TCERG1L: variants seen among roughly 807,000 people sequenced by gnomAD.
The protein encoded by TCERG1L is transcription elongation regulator 1-like protein.
Under a neutral mutation model 56.3 loss-of-function variants are expected in TCERG1L, and 37 were observed. That is an observed-to-expected ratio of 0.66 (90% CI 0.51 to 0.87). TCERG1L has a LOEUF of 0.87. Ranked by LOEUF, TCERG1L falls within the 40% of genes least tolerant of loss-of-function variation. The pLI, the probability that TCERG1L is intolerant of heterozygous loss-of-function variation, is 0.00. For missense variants in TCERG1L, 799 were observed against 774.2 expected (o/e 1.03, Z -0.38); for synonymous variants, 324 against 326.3 (o/e 0.99, Z 0.08).
At chr10:131,249,465 C>T (rs533486723) in intron 4 of TCERG1L, among the ~76,000 whole-genome samples, 19 of 152,296 alleles carry the variant, frequency 1.2e-4, no homozygotes, top group Non-Finnish European at 1.8e-4. Context: ...TGGCTCCACC[C>T]GGGTCCCCAG....
intron 4 of TCERG1L, among the ~76,000 whole-genome samples, chr10:131,180,922 C>T (rs1030445530): frequency 3.3e-5 from 5 of 152,156 alleles, no homozygotes; most frequent in Non-Finnish European, 7.3e-5. Flanking sequence ...TGACTGCATC[C>T]TATTATTAGC....
At position 131,311,198 on chromosome 10, in the gene TCERG1L, G is replaced by T; in HGVS notation, c.342+96C>A. 1 of 1,014,842 alleles carries T rather than the reference G, an allele frequency of 9.9e-7. No individual in the cohort carries two copies. Among genetic ancestry groups the T allele is most frequent in the Non-Finnish European group, 1.2e-6 (1 of 807,718 alleles). The allele number at this position is 1,014,842 out of a possible 1,614,324, so 62.9% of individuals were successfully genotyped here. ...GGCGGCGAGGACCGCCGGGGAGGAG[G>T]GCGCGCGAGCCGGAGGCCAGAGCCG... On this transcript the variant is annotated intron_variant, in intron 1 of 11. Coordinates refer to ENST00000368642, the MANE Select transcript of TCERG1L (RefSeq NM_174937.4). The surrounding 1 kb of genome is among the most constrained non-coding windows in gnomAD (Gnocchi z 4.0).
At chr10:131,130,203 C>T (rs987827583) in intron 8 of TCERG1L, among the ~76,000 whole-genome samples, 2 of 151,894 alleles carry the variant, frequency 1.3e-5, no homozygotes, top group African/African-American at 2.4e-5. Context: ...AGAGTGTGTG[C>T]GTGGGAACTC....
chr10:131,164,126 TAAAAAA>T (rs11327805), intron 5 of TCERG1L: 2 of 93,308 alleles, frequency 2.1e-5, no homozygotes, highest in African/African-American at 4.5e-5. Context: ...GACTCTGTCT[TAAAAAA>T]AAAAAAAAAA....
At chr10:131,206,927 C>CCA (rs1230073210) in intron 4 of TCERG1L, among the ~76,000 whole-genome samples, 5 of 152,162 alleles carry the variant, frequency 3.3e-5, no homozygotes, top group African/African-American at 1.2e-4. Context: ...CCCAGAGGGG[C>CCA]CAGGGAAGCA....
intron 4 of TCERG1L, among the ~76,000 whole-genome samples, chr10:131,243,578 G>A (rs944643401): frequency 6.6e-6 from 1 of 152,092 alleles, no homozygotes; most frequent in African/African-American, 2.4e-5. Flanking sequence ...TCTCAAAAAC[G>A]AACAAACAAA....
In TCERG1L at chr10:131,311,698, G is replaced by A. The variant is rs4993310; in HGVS notation, c.-63C>T. ...GGGCGCCCGAGATGCTGGGCCGGCG[G>A]CGGCGCGGCTCCGGAGCGAACTCAC... On this transcript the variant is annotated 5_prime_UTR_variant, in exon 1 of 12. Transcript: ENST00000368642. The surrounding 1 kb of genome is among the most constrained non-coding windows in gnomAD (Gnocchi z 4.0). 0.51 allele frequency: 438,990 copies of A among 863,672 alleles called. 113,098 individuals are homozygous for A. The highest frequency in any genetic ancestry group is 0.55 in the African/African-American group (30,358 of 54,928). The allele number at this position is 863,672 out of a possible 1,614,324, so 53.5% of individuals were successfully genotyped here. A position where few individuals can be genotyped will look rare whatever the true frequency, so the allele number is the denominator to read the frequency against.
chr10:131,195,988 G>C (rs892181350), intron 4 of TCERG1L, among the ~76,000 whole-genome samples: 17 of 152,218 alleles, frequency 1.1e-4, no homozygotes, highest in African/African-American at 4.1e-4. Context: ...GCACTGAGTG[G>C]ACACGCAGAA....
chr10:131,237,991 C>A (rs911608658), intron 4 of TCERG1L, among the ~76,000 whole-genome samples: 6 of 152,238 alleles, frequency 3.9e-5, no homozygotes, highest in African/African-American at 1.4e-4. Flanking sequence ...GCATCCCTAA[C>A]TGAAGTGTGG....
intron 3 of TCERG1L, among the ~76,000 whole-genome samples, chr10:131,263,747 G>A (rs1030398482): frequency 3.3e-5 from 5 of 152,146 alleles, no homozygotes; most frequent in African/African-American, 1.2e-4. Flanking sequence ...GTGTAAGGAG[G>A]GAATTTTCCA....
intron 6 of TCERG1L, among the ~76,000 whole-genome samples, chr10:131,160,338 C>T (rs1480699687): frequency 1.3e-5 from 2 of 152,074 alleles, no homozygotes; most frequent in Non-Finnish European, 2.9e-5. Context: ...CCTGTGGGAC[C>T]TTGGCCATCC....
intron 3 of TCERG1L, among the ~76,000 whole-genome samples, chr10:131,290,923 TA>T (rs1261482716): frequency 6.6e-6 from 1 of 152,198 alleles, no homozygotes; most frequent in Non-Finnish European, 1.5e-5. Flanking sequence ...TTAAAGGATC[TA>T]AAAGTTATGC....
chr10:131,129,632 C>T (rs2133400266), intron 8 of TCERG1L, among the ~76,000 whole-genome samples: 1 of 152,262 alleles, frequency 6.6e-6, no homozygotes, highest in East Asian at 1.9e-4. Context: ...CACACTGGAC[C>T]ATCTTACGCC....
intron 7 of TCERG1L, among the ~76,000 whole-genome samples, chr10:131,138,006 T>C (rs984521567): frequency 1.3e-5 from 2 of 152,166 alleles, no homozygotes; most frequent in Non-Finnish European, 2.9e-5. Flanking sequence ...CGATGGCTTA[T>C]GTCTGTAATC....
At chr10:131,305,970 T>C (rs1394215268) in intron 3 of TCERG1L, among the ~76,000 whole-genome samples, 1 of 152,178 alleles carries the variant, frequency 6.6e-6, no homozygotes, top group African/African-American at 2.4e-5. Context: ...CATAATAGGA[T>C]ATGAAAACTT....
chr10:131,309,948 A>C (rs563306582), intron 1 of TCERG1L, among the ~76,000 whole-genome samples: 19 of 151,944 alleles, frequency 1.3e-4, no homozygotes, highest in African/African-American at 4.3e-4. Context: ...CCGTCTCTCT[A>C]ATTAAAATAA....
chr10:131,197,716 G>A (rs1224525255), intron 4 of TCERG1L, among the ~76,000 whole-genome samples: 1 of 152,160 alleles, frequency 6.6e-6, no homozygotes, highest in Non-Finnish European at 1.5e-5. Flanking sequence ...GCCGACCTGA[G>A]GTGAGGAGCC....
rs964058970 is a variant in TCERG1L, at chr10:131,195,724, C to T, written c.857-28839G>A. ...TCCCTCGGCCTGCTGTGTCCCACCACCCTTCCCACACCCTTTTATCTTCTG... is the reference window on the plus strand; with the variant it reads ...TCCCTCGGCCTGCTGTGTCCCACCATCCTTCCCACACCCTTTTATCTTCTG... On this transcript the variant is annotated intron_variant, in intron 4 of 11. Transcript: ENST00000368642. Among the ~76,000 whole-genome samples, 3 of 152,208 alleles carry T rather than the reference C, an allele frequency of 2.0e-5. No homozygotes were observed. In the East Asian group the frequency reaches 5.8e-4, roughly 29 times the overall value.
At chr10:131,151,472 C>T (rs4341449) in intron 6 of TCERG1L, among the ~76,000 whole-genome samples, 125,118 of 152,114 alleles carry the variant, frequency 0.82, 52,975 homozygotes, top group South Asian at 0.93. Context: ...TGACTCCACA[C>T]CTCACATCCA....
Sources: allele counts gnomAD v4.1 joint callset (sites outside exome capture counted in the v4.1 genomes callset), GRCh38; gene constraint gnomAD v4.1.1; non-coding constraint Gnocchi (gnomAD v3.1); transcripts MANE v1.5; gene names NCBI Gene and HGNC (gene_info 2026-07-23, HGNC 2026-07-21).